RBMS3: variants seen among roughly 807,000 people sequenced by gnomAD.
RBMS3 encodes the protein RNA-binding motif, single-stranded-interacting protein 3.
Under a neutral mutation model 66.8 loss-of-function variants are expected in RBMS3, and 27 were observed. The ratio of observed to expected loss-of-function variants is 0.40; its 90% CI spans 0.30 to 0.56. RBMS3 has a LOEUF of 0.56. RBMS3 is among the 20% of genes least tolerant of loss of function. The pLI, the probability that RBMS3 is intolerant of heterozygous loss-of-function variation, is 0.40. For synonymous variants in RBMS3, 188 were observed against 183.0 expected (o/e 1.03, Z -0.22); for missense variants, 513 against 549.5 (o/e 0.93, Z 0.66).
At chr3:29,960,134 G>A (rs144778410) in intron 12 of RBMS3, among the ~76,000 whole-genome samples, 3,077 of 152,194 alleles carry the variant, frequency 0.02, 118 homozygotes, top group African/African-American at 0.07. Flanking sequence ...AAAATCAAAG[G>A]CAAGTTAGTT....
intron 4 of RBMS3, among the ~76,000 whole-genome samples, chr3:29,729,051 GT>G (rs895919947): frequency 6.6e-6 from 1 of 152,000 alleles, no homozygotes; most frequent in Non-Finnish European, 1.5e-5. Flanking sequence ...TGTTACATAC[GT>G]ATACATGTGC....
intron 1 of RBMS3, among the ~76,000 whole-genome samples, chr3:29,282,714 CA>C (rs1332042406): frequency 6.6e-6 from 1 of 152,076 alleles, no homozygotes; most frequent in Non-Finnish European, 1.5e-5. Context: ...TAGCATTAGC[CA>C]GACTCCACCG....
chr3:29,796,011 T>C (rs2057169590), intron 6 of RBMS3, among the ~76,000 whole-genome samples: 2 of 152,150 alleles, frequency 1.3e-5, no homozygotes, highest in African/African-American at 4.8e-5. Context: ...GGATGACCAG[T>C]GTATAAGGAT....
At position 29,934,738 on chromosome 3, in the gene RBMS3, G is replaced by A. The variant is rs2061221007; in HGVS notation, c.940-1348G>A. On this transcript the variant is annotated intron_variant, in intron 10 of 14. Coordinates refer to ENST00000383767, the MANE Select transcript of RBMS3 (RefSeq NM_001003793.3). ...CTAAATGTCTTTGTGAACAAAGCTGGCCCTGTATATCAAGCATTTCCAAAT... is the reference window on the plus strand; with the variant it reads ...CTAAATGTCTTTGTGAACAAAGCTGACCCTGTATATCAAGCATTTCCAAAT... 2.0e-5 allele frequency among the ~76,000 whole-genome samples: 3 copies of A among 152,002 alleles called. No individual in the cohort carries two copies. The South Asian group carries it at 6.2e-4, about 32-fold the overall frequency.
intron 4 of RBMS3, among the ~76,000 whole-genome samples, chr3:29,688,830 C>T (rs1369042916): frequency 7.9e-5 from 12 of 151,960 alleles, no homozygotes; most frequent in Non-Finnish European, 2.9e-5. Flanking sequence ...ATCCACTCAC[C>T]TCAGCCTCCC....
rs376758924 is a variant in RBMS3 at position 29,910,478 on chromosome 3, A to G, written c.939+10723A>G. 7.2e-5 allele frequency among the ~76,000 whole-genome samples: 11 copies of G among 152,280 alleles called. No individual in the cohort carries two copies. In the South Asian group the frequency reaches 1.0e-3, roughly 14 times the overall value. On this transcript the variant is annotated intron_variant, in intron 10 of 14. Coordinates refer to ENST00000383767, the MANE Select transcript of RBMS3 (RefSeq NM_001003793.3). ...GGTTCACATATTGAGAGTATTCTCA[A>G]ATGTGAAGAGTACATCTCAAATGTA...
chr3:29,325,208 T>G (rs543383149), intron 1 of RBMS3, among the ~76,000 whole-genome samples: 3 of 152,162 alleles, frequency 2.0e-5, no homozygotes, highest in African/African-American at 7.2e-5. Flanking sequence ...TGCAGAACAT[T>G]TGTATTTTAT....
rs143559562 is a variant in RBMS3, at chr3:29,841,154, G to C, written c.638-27704G>C. ...ATATCTCTTTCATCATTTACCTGTG[G>C]TTCCAGTTTTTTTATTATTTTTCTC... is the stretch of plus-strand genomic sequence containing the variant. On this transcript the variant is annotated intron_variant, in intron 6 of 14. Coordinates refer to ENST00000383767, the MANE Select transcript of RBMS3 (RefSeq NM_001003793.3). Among the ~76,000 whole-genome samples, 834 of 151,534 alleles carry C rather than the reference G, an allele frequency of 5.5e-3. 4 individuals are homozygous for C. The highest frequency in any genetic ancestry group is 0.014 in the Middle Eastern group (4 of 294).
chr3:29,774,806 G>A (rs1055812144), intron 6 of RBMS3, among the ~76,000 whole-genome samples: 5 of 151,904 alleles, frequency 3.3e-5, no homozygotes, highest in Non-Finnish European at 7.4e-5. Context: ...AAATTACAAA[G>A]CCACTCTTCT....
intron 8 of RBMS3, among the ~76,000 whole-genome samples, chr3:29,891,696 A>G (rs1204109687): frequency 6.6e-6 from 1 of 151,526 alleles, no homozygotes. Flanking sequence ...TTCTTGGGGG[A>G]GACGTGAAAA....
At chr3:29,363,565 G>T (rs530050685) in intron 1 of RBMS3, among the ~76,000 whole-genome samples, 4 of 152,262 alleles carry the variant, frequency 2.6e-5, no homozygotes, top group African/African-American at 9.6e-5. Context: ...AAAGCGGGTG[G>T]ATCACCTGAG....
Position 29,361,425 on chromosome 3 carries a change from T to C in RBMS3, c.76-73318T>C, listed in dbSNP as rs557610190. On this transcript the variant is annotated intron_variant, in intron 1 of 14. Coordinates refer to ENST00000383767, the MANE Select transcript of RBMS3 (RefSeq NM_001003793.3). ...TTTCTGCTGAGAGATCCATTGTTAG[T>C]CTGATGGGCTTCACTTTTTGGGTAA... Among the ~76,000 whole-genome samples the C allele has an allele frequency of 2.9e-3, 449 of 152,354 alleles. 9 individuals carry two copies. Among genetic ancestry groups the C allele is most frequent in the Non-Finnish European group, 1.2e-3 (83 of 68,036 alleles).
At chr3:29,462,593 T>C (rs1276639506) in intron 2 of RBMS3, among the ~76,000 whole-genome samples, 4 of 152,210 alleles carry the variant, frequency 2.6e-5, no homozygotes, top group Admixed American at 6.5e-5. Context: ...TCTCTCTGTG[T>C]TTCCCAGTGT....
intron 8 of RBMS3, among the ~76,000 whole-genome samples, chr3:29,893,667 C>T (rs1406112363): frequency 6.6e-6 from 1 of 151,432 alleles, no homozygotes; most frequent in Admixed American, 6.6e-5. Context: ...AAATGCAAAC[C>T]TTGATTTTTC....
At chr3:29,581,344 A>G (rs1213883892) in intron 3 of RBMS3, among the ~76,000 whole-genome samples, 3 of 152,220 alleles carry the variant, frequency 2.0e-5, no homozygotes, top group African/African-American at 7.2e-5. Flanking sequence ...ATAAGGAAAG[A>G]TAGTCAGCAA....
intron 1 of RBMS3, among the ~76,000 whole-genome samples, chr3:29,309,018 T>A (rs2034207063): frequency 6.6e-6 from 1 of 151,660 alleles, no homozygotes; most frequent in African/African-American, 2.4e-5. Context: ...AGAATTGAAT[T>A]TATAGAAATA....
intron 10 of RBMS3, among the ~76,000 whole-genome samples, chr3:29,914,818 T>C (rs2149640152): frequency 6.6e-6 from 1 of 152,006 alleles, no homozygotes; most frequent in South Asian, 2.1e-4. Flanking sequence ...GTTTCAGAAA[T>C]TGTCCTGTGT....
chr3:29,431,361 C>T (rs1168973176), intron 1 of RBMS3, among the ~76,000 whole-genome samples: 10 of 147,652 alleles, frequency 6.8e-5, no homozygotes, highest in African/African-American at 2.0e-4. Context: ...GGCGCAATCT[C>T]GGCTCACTGC....
intron 4 of RBMS3, among the ~76,000 whole-genome samples, chr3:29,598,066 A>G (rs2048018293): frequency 6.6e-6 from 1 of 152,262 alleles, no homozygotes; most frequent in East Asian, 1.9e-4. Context: ...ACACTCCATG[A>G]GAAGAATGAC....
Sources: allele counts gnomAD v4.1 joint callset (sites outside exome capture counted in the v4.1 genomes callset), GRCh38; gene constraint gnomAD v4.1.1; transcripts MANE v1.5; gene names NCBI Gene and HGNC (gene_info 2026-07-23, HGNC 2026-07-21).